Variants in FMNL2 observed in about 807,000 individuals in gnomAD.
FMNL2 encodes formin-like protein 2.
In FMNL2, 51 loss-of-function variants were observed where a neutral mutation model predicts 130.2. That is an observed-to-expected ratio of 0.39 (90% CI 0.31 to 0.49). The LOEUF is 0.49. FMNL2 is among the 20% of genes least tolerant of loss of function. The pLI is 0.85. For synonymous variants in FMNL2, 465 were observed against 467.1 expected (o/e 1.00, Z 0.06); for missense variants, 977 against 1,316.2 (o/e 0.74, Z 3.99).
rs1325382420 is a variant in FMNL2, at chr2:152,647,895, TAAC to T, written c.3272_3274del (p.Thr1091del). 2 of 1,612,818 alleles carry T rather than the reference TAAC, an allele frequency of 1.2e-6. No individual in the cohort carries two copies. The highest frequency in any genetic ancestry group is 3.3e-5 in the Admixed American group (2 of 59,884). On this transcript the variant is annotated inframe_deletion, in exon 26 of 26. Transcript: ENST00000288670. ...TTGCGTTCTGTTAATGGTGCCGAAA[TAAC>T]AATGTGAACCTGAGACTGGCCTGCA...
chr2:152,522,582 T>C (rs141531667), intron 2 of FMNL2, among the ~76,000 whole-genome samples: 42 of 152,292 alleles, frequency 2.8e-4, no homozygotes, highest in African/African-American at 9.1e-4. Context: ...TCCTATGCTG[T>C]TCTTGTGGTA....
chr2:152,640,118 C>G, intron 24 of FMNL2, 62 bp downstream of exon 24: 1 of 1,405,678 alleles, frequency 7.1e-7, no homozygotes, highest in Non-Finnish European at 9.5e-7. Context: ...CTCTTCAGAG[C>G]AAGCCATACA....
chr2:152,484,829 G>T (rs1196521745), intron 1 of FMNL2, among the ~76,000 whole-genome samples: 2 of 152,150 alleles, frequency 1.3e-5, no homozygotes, highest in Non-Finnish European at 2.9e-5. Flanking sequence ...TGATACAGAA[G>T]AGATGAACTT....
intron 5 of FMNL2, among the ~76,000 whole-genome samples, chr2:152,559,660 G>A (rs1695416428): frequency 1.3e-5 from 2 of 152,188 alleles, no homozygotes; most frequent in Admixed American, 1.3e-4. Flanking sequence ...GAGTGAGGAT[G>A]AGCTGAGAGG....
intron 1 of FMNL2, among the ~76,000 whole-genome samples, chr2:152,355,402 C>T (rs759906139): frequency 3.3e-5 from 5 of 152,172 alleles, no homozygotes; most frequent in Non-Finnish European, 5.9e-5. Context: ...GCAGTAGAAA[C>T]TATTCGTCTT....
chr2:152,356,272 G>A (rs570493058), intron 1 of FMNL2, among the ~76,000 whole-genome samples: 27 of 152,222 alleles, frequency 1.8e-4, no homozygotes, highest in East Asian at 1.5e-3. Flanking sequence ...ACAGGTGTGC[G>A]CCACCACGCC....
rs1383503221 is a variant in FMNL2 at position 152,611,548 on chromosome 2, T to C, written c.1005T>C (p.Asn335=). 1.2e-6 allele frequency: 2 copies of C among 1,603,500 alleles called. No homozygotes were observed. The highest frequency in any genetic ancestry group is 1.3e-5 in the African/African-American group (1 of 74,838). ...NIVVHSVEDM[N]FRVHLQYEFT... ...TAGTCCATTCAGTAGAAGATATGAATTTCAGAGTTCACCTGCAGTATGAAT... is the reference window on the plus strand; with the variant it reads ...TAGTCCATTCAGTAGAAGATATGAACTTCAGAGTTCACCTGCAGTATGAAT... The change falls in exon 11 of 26, where the codon AAT becomes AAC. Residue 335 remains asparagine (N), a synonymous_variant. Transcript: ENST00000288670.
chr2:152,437,609 C>G (rs1441245567), intron 1 of FMNL2, among the ~76,000 whole-genome samples: 2 of 152,108 alleles, frequency 1.3e-5, no homozygotes, highest in Non-Finnish European at 2.9e-5. Context: ...TGCCTTTTTA[C>G]AGTCTATCAG....
intron 1 of FMNL2, among the ~76,000 whole-genome samples, chr2:152,422,916 G>A (rs1686995430): frequency 6.6e-6 from 1 of 152,162 alleles, no homozygotes; most frequent in African/African-American, 2.4e-5. Context: ...AAGAAACTTT[G>A]CAACAGTTGT....
At chr2:152,392,275 A>C (rs1685156454) in intron 1 of FMNL2, among the ~76,000 whole-genome samples, 1 of 152,028 alleles carries the variant, frequency 6.6e-6, no homozygotes, top group Non-Finnish European at 1.5e-5. Context: ...TTAGTGGATG[A>C]TTTCAGTGAA....
At chr2:152,626,216 T>C (rs1278791061) in intron 16 of FMNL2, among the ~76,000 whole-genome samples, 1 of 152,080 alleles carries the variant, frequency 6.6e-6, no homozygotes, top group African/African-American at 2.4e-5. Context: ...TTTGTGTTTT[T>C]AGTAGAGAGC....
intron 1 of FMNL2, among the ~76,000 whole-genome samples, chr2:152,384,949 A>G (rs1373059573): frequency 1.3e-5 from 2 of 152,200 alleles, no homozygotes; most frequent in South Asian, 4.1e-4. Flanking sequence ...AAACTAACCC[A>G]TGTTAGTGTA....
rs1177965681 is a variant in FMNL2 at position 152,568,218 on chromosome 2, G to GTTTTTTTTTTTTTTTTTT, written c.597-6903_597-6902insTTTTTTTTTTTTTTTTTT. ...TGAGCAACGGCTTCCATTTTGGTGG[G>GTTTTTTTTTTTTTTTTTT]TTTTTTTTTTTTTTTGAGACGGAGT... On this transcript the variant is annotated intron_variant, in intron 6 of 25. Coordinates refer to ENST00000288670, the MANE Select transcript of FMNL2 (RefSeq NM_052905.4). Among the ~76,000 whole-genome samples, 276 of 34,798 alleles carry GTTTTTTTTTTTTTTTTTT rather than the reference G, an allele frequency of 7.9e-3. 9 individuals carry two copies. Among genetic ancestry groups the GTTTTTTTTTTTTTTTTTT allele is most frequent in the African/African-American group, 0.021 (253 of 11,842 alleles). The allele number at this position is 34,798 out of a possible 152,430, so 22.8% of individuals were successfully genotyped here. A position where few individuals can be genotyped will look rare whatever the true frequency, so the allele number is the denominator to read the frequency against.
intron 9 of FMNL2, among the ~76,000 whole-genome samples, chr2:152,593,144 A>T (rs925579299): frequency 6.6e-6 from 1 of 152,104 alleles, no homozygotes; most frequent in Non-Finnish European, 1.5e-5. Flanking sequence ...AAAATATCTG[A>T]CCAGGGTCCA....
intron 9 of FMNL2, among the ~76,000 whole-genome samples, chr2:152,602,308 A>G (rs778269801): frequency 8.5e-5 from 13 of 152,188 alleles, no homozygotes; most frequent in Non-Finnish European, 1.5e-5. Context: ...CAGCCGGTTT[A>G]TAGATGATTT....
chr2:152,619,464 A>G (rs1375268447), intron 14 of FMNL2, 45 bp from the exon 15 acceptor site: 1 of 1,549,118 alleles, frequency 6.5e-7, no homozygotes, highest in East Asian at 2.4e-5. Flanking sequence ...CAGGAAAGCC[A>G]TTCCCGTATT....
chr2:152,636,371 G>T, intron 21 of FMNL2, 56 bp from the exon 22 acceptor site: 1 of 1,545,862 alleles, frequency 6.5e-7, no homozygotes, highest in Non-Finnish European at 8.8e-7. Flanking sequence ...AGCCAGATTC[G>T]CTGTGGTTGT....
At chr2:152,478,443 G>A (rs995563343) in intron 1 of FMNL2, among the ~76,000 whole-genome samples, 6 of 151,540 alleles carry the variant, frequency 4.0e-5, no homozygotes, top group Non-Finnish European at 8.8e-5. Context: ...TTACCATGTT[G>A]GTCAGGCTGG....
In FMNL2 at chr2:152,560,879, T is replaced by G. The variant is rs775059284; in HGVS notation, c.444-4T>G. On this transcript the variant is annotated splice_polypyrimidine_tract_variant and splice_region_variant and intron_variant, in intron 5 of 25. Transcript: ENST00000288670. ...TCTTCAATGGCATTTCTCTTTTGTTTTAGTTTTGACTTTGAAAGTGTGGAG... is the reference window on the plus strand; with the variant it reads ...TCTTCAATGGCATTTCTCTTTTGTTGTAGTTTTGACTTTGAAAGTGTGGAG... 6.2e-7 allele frequency: 1 copy of G among 1,603,660 alleles called. No homozygotes were observed. The highest frequency in any genetic ancestry group is 1.1e-5 in the South Asian group (1 of 89,524).
Sources: allele counts gnomAD v4.1 joint callset (sites outside exome capture counted in the v4.1 genomes callset), GRCh38; gene constraint gnomAD v4.1.1; transcripts MANE v1.5; gene names NCBI Gene and HGNC (gene_info 2026-07-23, HGNC 2026-07-21).